The following CNTNAP2 variants were observed in gnomAD, a reference collection of about 807,000 sequenced individuals.
CNTNAP2 encodes the protein contactin-associated protein-like 2.
CNTNAP2 carries 98 observed loss-of-function variants against 155.2 expected under a neutral mutation model. That is an observed-to-expected ratio of 0.63 (90% CI 0.54 to 0.75). The LOEUF is 0.75. CNTNAP2 is among the 30% of genes least tolerant of loss of function. CNTNAP2 has a pLI of 0.00. For synonymous variants in CNTNAP2, 651 were observed against 631.2 expected (o/e 1.03, Z -0.47); for missense variants, 1,727 against 1,688.1 (o/e 1.02, Z -0.40).
chr7:147,075,596 AAT>A (rs1799980753), intron 4 of CNTNAP2, among the ~76,000 whole-genome samples: 1 of 152,158 alleles, frequency 6.6e-6, no homozygotes, highest in Non-Finnish European at 1.5e-5. Flanking sequence ...TAACATTTTT[AAT>A]ATGATATTTT....
At chr7:147,520,744 C>T (rs1450786350) in intron 11 of CNTNAP2, among the ~76,000 whole-genome samples, 1 of 152,144 alleles carries the variant, frequency 6.6e-6, no homozygotes, top group East Asian at 1.9e-4. Context: ...TTGTATTTTA[C>T]TTTCCAGAAA....
chr7:146,910,355 T>G (rs950368407), intron 3 of CNTNAP2, among the ~76,000 whole-genome samples: 3 of 150,010 alleles, frequency 2.0e-5, no homozygotes, highest in Admixed American at 2.0e-4. Context: ...AAGTCAATCC[T>G]AAGCCAAAAG....
chr7:148,359,562 A>C (rs1476182492), intron 21 of CNTNAP2, among the ~76,000 whole-genome samples: 1 of 152,208 alleles, frequency 6.6e-6, no homozygotes, highest in African/African-American at 2.4e-5. Flanking sequence ...AGCCAGTTAC[A>C]TTGCTAGAGA....
chr7:147,794,412 A>G lies in CNTNAP2; in HGVS notation c.2099-109153A>G, dbSNP rs186919159. On this transcript the variant is annotated intron_variant, in intron 13 of 23. Coordinates refer to ENST00000361727, the MANE Select transcript of CNTNAP2 (RefSeq NM_014141.6). ...TTTTTCTGTATTTATTGAGATGTTC[A>G]TATGGTTTTAGTTCTATTCCATGAA... is the stretch of plus-strand genomic sequence containing the variant. Among the ~76,000 whole-genome samples, 78 of 152,060 alleles carry G rather than the reference A, an allele frequency of 5.1e-4. 1 individual carries two copies. Among genetic ancestry groups the G allele is most frequent in the African/African-American group, 1.7e-3 (70 of 41,540 alleles).
At chr7:147,688,317 TA>T (rs201519630) in intron 13 of CNTNAP2, among the ~76,000 whole-genome samples, 2,506 of 152,156 alleles carry the variant, frequency 0.016, 223 homozygotes, top group Admixed American at 0.15. Flanking sequence ...AAGCTAAAAA[TA>T]GCAAAAATAG....
At chr7:148,149,129 G>A (rs962871837) in intron 17 of CNTNAP2, among the ~76,000 whole-genome samples, 3 of 152,154 alleles carry the variant, frequency 2.0e-5, no homozygotes, top group African/African-American at 7.2e-5. Context: ...CATAACAGGT[G>A]ACCCTACTTG....
At chr7:147,730,298 A>G (rs1271069592) in intron 13 of CNTNAP2, among the ~76,000 whole-genome samples, 2 of 152,120 alleles carry the variant, frequency 1.3e-5, no homozygotes, top group African/African-American at 4.8e-5. Flanking sequence ...CAGATACTGC[A>G]CTTTTCACAA....
At chr7:148,085,538 G>A (rs186419542) in intron 15 of CNTNAP2, among the ~76,000 whole-genome samples, 24 of 152,172 alleles carry the variant, frequency 1.6e-4, no homozygotes, top group East Asian at 5.8e-4. Context: ...AAGAATACCC[G>A]TGTTTTTCAG....
At chr7:146,743,962 C>T (rs968174264) in intron 1 of CNTNAP2, among the ~76,000 whole-genome samples, 1 of 152,004 alleles carries the variant, frequency 6.6e-6, no homozygotes, top group Non-Finnish European at 1.5e-5. Context: ...GTGGCTCATG[C>T]CTGTAATGGC....
chr7:147,438,064 T>A (rs1334924263), intron 10 of CNTNAP2, among the ~76,000 whole-genome samples: 1 of 152,126 alleles, frequency 6.6e-6, no homozygotes, highest in Admixed American at 6.6e-5. Context: ...AAAACAAGGA[T>A]AATTTGACTT....
chr7:147,829,316 G>A (rs1653991301), intron 13 of CNTNAP2, among the ~76,000 whole-genome samples: 1 of 152,116 alleles, frequency 6.6e-6, no homozygotes, highest in South Asian at 2.1e-4. Context: ...TCAGTTTGGT[G>A]AAAGAAAATG....
At chr7:148,087,931 C>T (rs1336642414) in intron 15 of CNTNAP2, among the ~76,000 whole-genome samples, 1 of 152,098 alleles carries the variant, frequency 6.6e-6, no homozygotes, top group Non-Finnish European at 1.5e-5. Flanking sequence ...CTATGCTCTA[C>T]TTTTCTCAAA....
Position 148,223,208 on chromosome 7 carries a change from A to C in CNTNAP2, c.3247+5684A>C, listed in dbSNP as rs527883679. Among the ~76,000 whole-genome samples the C allele has an allele frequency of 5.9e-5, 9 of 152,276 alleles. No individual in the cohort carries two copies. In the South Asian group the frequency reaches 1.7e-3, roughly 28 times the overall value. On this transcript the variant is annotated intron_variant, in intron 19 of 23. Coordinates refer to ENST00000361727, the MANE Select transcript of CNTNAP2 (RefSeq NM_014141.6). Reference sequence around the variant, plus strand: ...GACACCTGCCTTTCATTCTAGGCTGAGATCAAGTCCCACCTCCTTTTGATG... The same window carrying C: ...GACACCTGCCTTTCATTCTAGGCTGCGATCAAGTCCCACCTCCTTTTGATG...
intron 18 of CNTNAP2, among the ~76,000 whole-genome samples, chr7:148,199,113 A>G (rs894639662): frequency 6.6e-6 from 1 of 152,222 alleles, no homozygotes; most frequent in Non-Finnish European, 1.5e-5. Context: ...AAGGAGTAAC[A>G]TGATATGACA....
intron 3 of CNTNAP2, among the ~76,000 whole-genome samples, chr7:146,997,660 G>A (rs1477496161): frequency 2.6e-5 from 4 of 152,058 alleles, no homozygotes; most frequent in African/African-American, 9.7e-5. Context: ...GTAGAATTCA[G>A]CAGTGAAGCC....
chr7:147,092,063 A>G (rs184490294), intron 4 of CNTNAP2, among the ~76,000 whole-genome samples: 120 of 152,268 alleles, frequency 7.9e-4, no homozygotes, highest in Non-Finnish European at 1.6e-3. Context: ...TAAGGACTTA[A>G]CCACCCTACT....
Position 146,381,211 on chromosome 7 carries a change from A to G in CNTNAP2, c.97+264238A>G, listed in dbSNP as rs570674366. On this transcript the variant is annotated intron_variant, in intron 1 of 23. Transcript: ENST00000361727. ...GCAGAGACTCAATGCACTTTGGCAC[A>G]TTGGGACATGCTTTTTTAATCATTG... Among the ~76,000 whole-genome samples, 9 of 152,248 alleles carry G rather than the reference A, an allele frequency of 5.9e-5. No individual in the cohort carries two copies. In the East Asian group the frequency reaches 1.7e-3, roughly 29 times the overall value.
chr7:147,681,297 A>G (rs1385818643), intron 13 of CNTNAP2, among the ~76,000 whole-genome samples: 1 of 151,984 alleles, frequency 6.6e-6, no homozygotes. Context: ...GTATGACAAA[A>G]TGGTGCCGTC....
chr7:147,609,313 C>T (rs1007448414), intron 12 of CNTNAP2, among the ~76,000 whole-genome samples: 11 of 152,078 alleles, frequency 7.2e-5, no homozygotes, highest in Admixed American at 3.3e-4. Flanking sequence ...GGGCGGACCA[C>T]GAGGTCAGGA....
Sources: allele counts gnomAD v4.1 joint callset (sites outside exome capture counted in the v4.1 genomes callset), GRCh38; gene constraint gnomAD v4.1.1; transcripts MANE v1.5; gene names NCBI Gene and HGNC (gene_info 2026-07-23, HGNC 2026-07-21).